Variants in DPP6 observed in about 807,000 individuals in gnomAD.
DPP6 encodes dipeptidyl peptidase like 6.
Under a neutral mutation model 122.6 loss-of-function variants are expected in DPP6, and 69 were observed. That is an observed-to-expected ratio of 0.56 (90% CI 0.46 to 0.69). The LOEUF (loss-of-function observed/expected upper bound fraction) is 0.69. Ranked by LOEUF, DPP6 falls within the 30% of genes least tolerant of loss-of-function variation. The pLI is 0.00. For synonymous variants in DPP6, 418 were observed against 433.1 expected (o/e 0.97, Z 0.43); for missense variants, 928 against 1,116.9 (o/e 0.83, Z 2.41).
At chr7:153,916,150 T>C (rs1800303402) in intron 1 of DPP6, among the ~76,000 whole-genome samples, 1 of 151,318 alleles carries the variant, frequency 6.6e-6, no homozygotes, top group South Asian at 2.1e-4. Flanking sequence ...TTTTTTTGTA[T>C]TTTTAGTAGA....
chr7:153,894,896 T>C (rs1799343214), intron 1 of DPP6, among the ~76,000 whole-genome samples: 1 of 152,150 alleles, frequency 6.6e-6, no homozygotes, highest in South Asian at 2.1e-4. Context: ...TTGAAAAATA[T>C]GCAATCAAGT....
chr7:153,866,864 A>G, the DPP6 span, among the ~76,000 whole-genome samples: 2 of 152,144 alleles, frequency 1.3e-5, no homozygotes, highest in South Asian at 2.1e-4. Flanking sequence ...AGCTTTCTAC[A>G]TATGGCTAGC....
chr7:154,017,586 G>C (rs181472222), intron 1 of DPP6, among the ~76,000 whole-genome samples: 4,974 of 151,580 alleles, frequency 0.033, 118 homozygotes, highest in Middle Eastern at 0.082. Flanking sequence ...TGTAGTCCCA[G>C]CTACTCAGGA....
chr7:153,818,706 G>C, the DPP6 span, among the ~76,000 whole-genome samples: 1 of 151,584 alleles, frequency 6.6e-6, no homozygotes, highest in African/African-American at 2.4e-5. Flanking sequence ...TGAGCTCTGG[G>C]CAGGGAGGGA....
At chr7:154,331,451 T>G (rs993555859) in intron 1 of DPP6, among the ~76,000 whole-genome samples, 3 of 152,164 alleles carry the variant, frequency 2.0e-5, no homozygotes, top group African/African-American at 4.8e-5. Flanking sequence ...AAGAAAGAAC[T>G]CACCTTTGTA....
At position 154,108,400 on chromosome 7, in the gene DPP6, T is replaced by A. The variant is rs528009934; in HGVS notation, c.243+55337T>A. 5.8e-3 allele frequency among the ~76,000 whole-genome samples: 887 copies of A among 152,158 alleles called. 14 individuals are homozygous for A. Among genetic ancestry groups the A allele is most frequent in the African/African-American group, 0.021 (860 of 41,398 alleles). ...ACACAGTCATCTCAGGGAATTTACA[T>A]GGTGTTAAAGTATCACTCCAGGGAT... On this transcript the variant is annotated intron_variant, in intron 1 of 25. Transcript: ENST00000377770.
Position 154,611,147 on chromosome 7 carries a change from C to T in DPP6, c.628-26674C>T, listed in dbSNP as rs149678903. On this transcript the variant is annotated intron_variant, in intron 5 of 25. Coordinates refer to ENST00000377770, the MANE Select transcript of DPP6 (RefSeq NM_130797.4). Reference sequence around the variant, plus strand: ...TGTGATGGCCAAAACTACTTGTTACCTCGTGTCTTCTGACTCATGTGACTT... The same window carrying T: ...TGTGATGGCCAAAACTACTTGTTACTTCGTGTCTTCTGACTCATGTGACTT... 2.9e-3 allele frequency among the ~76,000 whole-genome samples: 438 copies of T among 152,250 alleles called. 2 individuals carry two copies. The highest frequency in any genetic ancestry group is 4.1e-3 in the Non-Finnish European group (280 of 68,016).
chr7:154,531,845 C>A (rs1827861458), intron 3 of DPP6, among the ~76,000 whole-genome samples: 1 of 151,952 alleles, frequency 6.6e-6, no homozygotes, highest in Non-Finnish European at 1.5e-5. Context: ...TGCTTCTGGA[C>A]TTTGAAAATT....
Position 154,806,998 on chromosome 7 carries a change from A to T in DPP6, c.1552A>T (p.Asn518Tyr). Reference protein sequence around the residue: ...LPRRRQLYSANTVGNFNRQCL... With the variant: ...LPRRRQLYSAYTVGNFNRQCL... Reference sequence around the variant, plus strand: ...CTGCGTCCTTTGCTCTTCCAGTGCCAACACGGTGGGCAACTTCAACAGGCA... The same window carrying T: ...CTGCGTCCTTTGCTCTTCCAGTGCCTACACGGTGGGCAACTTCAACAGGCA... The change falls in exon 16 of 26, where the codon AAC becomes TAC. Residue 518 changes from asparagine to tyrosine, a missense_variant. By Grantham distance (143) the Asn-to-Tyr change is moderately radical. Transcript: ENST00000377770. 1 of 1,613,820 alleles carries T rather than the reference A, an allele frequency of 6.2e-7. No homozygotes were observed.
At chr7:153,844,982 G>A in the DPP6 span, among the ~76,000 whole-genome samples, 2 of 152,120 alleles carry the variant, frequency 1.3e-5, no homozygotes, top group Non-Finnish European at 2.9e-5. Flanking sequence ...ATACAAGGAG[G>A]TATTTAGCTT....
At chr7:154,287,670 C>T (rs905272302) in intron 1 of DPP6, among the ~76,000 whole-genome samples, 10 of 152,302 alleles carry the variant, frequency 6.6e-5, no homozygotes, top group African/African-American at 1.4e-4. Flanking sequence ...CTTGTGGAGA[C>T]GACCAGCTCG....
intron 1 of DPP6, among the ~76,000 whole-genome samples, chr7:153,916,137 T>G (rs1040982556): frequency 2.7e-5 from 4 of 149,212 alleles, no homozygotes; most frequent in Non-Finnish European, 6.0e-5. Flanking sequence ...TGGCTAATGT[T>G]TTTTTTTTTG....
intron 1 of DPP6, among the ~76,000 whole-genome samples, chr7:154,013,458 C>CTTTTTTTT (rs776460630): frequency 7.9e-6 from 1 of 127,362 alleles, no homozygotes. Context: ...GGTTTCTTTT[C>CTTTTTTTT]TTTTTTTTTT....
chr7:154,223,853 A>G, intron 1 of DPP6, among the ~76,000 whole-genome samples: 1 of 148,628 alleles, frequency 6.7e-6, no homozygotes, highest in East Asian at 2.0e-4. Flanking sequence ...GCAGGAGGGG[A>G]GTGAGCATGG....
At chr7:154,170,449 T>C (rs1797478323) in intron 1 of DPP6, among the ~76,000 whole-genome samples, 1 of 152,226 alleles carries the variant, frequency 6.6e-6, no homozygotes, top group Admixed American at 6.5e-5. Flanking sequence ...ATCAGGTCTG[T>C]TTTGTTCTCC....
chr7:154,002,854 A>G (rs1180208849), intron 1 of DPP6, among the ~76,000 whole-genome samples: 1 of 152,164 alleles, frequency 6.6e-6, no homozygotes. Context: ...AGTTGGTAAC[A>G]CACTTTCTAA....
intron 5 of DPP6, among the ~76,000 whole-genome samples, chr7:154,614,731 A>C (rs776059403): frequency 1.2e-3 from 181 of 151,280 alleles, no homozygotes; most frequent in Non-Finnish European, 2.1e-3. Flanking sequence ...AGATATTAGC[A>C]TTAACCATTT....
At chr7:154,724,502 T>C (rs2131354478) in intron 7 of DPP6, among the ~76,000 whole-genome samples, 1 of 152,336 alleles carries the variant, frequency 6.6e-6, no homozygotes, top group South Asian at 2.1e-4. Context: ...GAGGCCTGGC[T>C]CCCTTCTCTT....
chr7:154,000,804 C>G (rs538875225), intron 1 of DPP6, among the ~76,000 whole-genome samples: 10 of 152,246 alleles, frequency 6.6e-5, no homozygotes, highest in East Asian at 1.9e-4. Context: ...TGCGACCTCT[C>G]TTTTCTAGGC....
Sources: allele counts gnomAD v4.1 joint callset (sites outside exome capture counted in the v4.1 genomes callset), GRCh38; gene constraint gnomAD v4.1.1; transcripts MANE v1.5; gene names NCBI Gene and HGNC (gene_info 2026-07-23, HGNC 2026-07-21).